Variants in CSMD2 observed in about 807,000 individuals in gnomAD.
The protein encoded by CSMD2 is CUB and Sushi multiple domains 2.
In CSMD2, 130 loss-of-function variants were observed where a neutral mutation model predicts 398.5. That is an observed-to-expected ratio of 0.33 (90% CI 0.28 to 0.38). CSMD2 has a LOEUF of 0.38. Ranked by LOEUF, CSMD2 falls within the 10% of genes least tolerant of loss-of-function variation. The pLI, the probability that CSMD2 is intolerant of heterozygous loss-of-function variation, is 1.00. For missense variants in CSMD2, 3,829 were observed against 4,764.9 expected, an observed-to-expected ratio of 0.80 and a Z score of 5.78; for synonymous variants, 1,828 against 1,908.5, an observed-to-expected ratio of 0.96 and a Z score of 1.10.
chr1:33,546,728 C>CA (rs1266225785), intron 56 of CSMD2, among the ~76,000 whole-genome samples: 1 of 144,356 alleles, frequency 6.9e-6, no homozygotes, highest in African/African-American at 2.5e-5. Flanking sequence ...AACCATCTGA[C>CA]CTTTTTTTTT....
intron 3 of CSMD2, among the ~76,000 whole-genome samples, chr1:33,991,522 C>T (rs1378914580): frequency 2.0e-5 from 3 of 152,136 alleles, no homozygotes; most frequent in Admixed American, 2.0e-4. Flanking sequence ...AACCCAGCAA[C>T]AGCCATAGTC....
chr1:33,601,158 C>T, intron 43 of CSMD2, 148 bp from the exon 44 acceptor site: 2 of 1,004,304 alleles, frequency 2.0e-6, no homozygotes, highest in Non-Finnish European at 2.9e-6. Flanking sequence ...GCCCTAAATA[C>T]CTCTCCCAAC....
intron 2 of CSMD2, among the ~76,000 whole-genome samples, chr1:34,044,520 A>G (rs937944085): frequency 2.6e-5 from 4 of 152,020 alleles, no homozygotes; most frequent in African/African-American, 9.7e-5. Context: ...TGTTGCTACA[A>G]CAATCATGAG....
chr1:33,992,506 G>A (rs561454626), intron 3 of CSMD2, among the ~76,000 whole-genome samples: 12 of 151,794 alleles, frequency 7.9e-5, no homozygotes, highest in Non-Finnish European at 1.6e-4. Context: ...GTGAGTCACT[G>A]CACCCAGCCC....
intron 6 of CSMD2, among the ~76,000 whole-genome samples, chr1:33,843,515 A>G (rs1031847711): frequency 1.3e-5 from 2 of 152,216 alleles, no homozygotes; most frequent in Non-Finnish European, 2.9e-5. Flanking sequence ...CACAAAGCTG[A>G]CTGTGGGTGA....
Position 33,978,588 on chromosome 1 carries a change from C to T in CSMD2, c.518-42634G>A, listed in dbSNP as rs186092433. 5.9e-5 allele frequency among the ~76,000 whole-genome samples: 9 copies of T among 152,138 alleles called. No homozygotes were observed. The South Asian group carries it at 6.2e-4, about 11-fold the overall frequency. ...GTCTAAGTTTGACACCTGAAGGATA[C>T]GCAAGAGTTAATCCAGAGAAGAGAG... On this transcript the variant is annotated intron_variant, in intron 3 of 70. Coordinates refer to ENST00000373381, the MANE Select transcript of CSMD2 (RefSeq NM_001281956.2).
At chr1:33,971,459 G>T (rs532016) in intron 3 of CSMD2, among the ~76,000 whole-genome samples, 1 of 152,128 alleles carries the variant, frequency 6.6e-6, no homozygotes, top group East Asian at 1.9e-4. Flanking sequence ...CATCGTGCCT[G>T]GCTCAGGTCT....
chr1:34,055,019 A>G (rs1431880289), intron 2 of CSMD2, among the ~76,000 whole-genome samples: 3 of 152,200 alleles, frequency 2.0e-5, no homozygotes, highest in African/African-American at 7.2e-5. Context: ...CAACACCCAC[A>G]CAGGAAATAA....
chr1:33,895,702 C>T (rs911685206), intron 5 of CSMD2, among the ~76,000 whole-genome samples: 1 of 152,132 alleles, frequency 6.6e-6, no homozygotes, highest in African/African-American at 2.4e-5. Context: ...ACTGGCCGCC[C>T]TCCAGAAAGG....
intron 3 of CSMD2, among the ~76,000 whole-genome samples, chr1:33,936,597 G>A (rs939978169): frequency 6.6e-6 from 1 of 152,238 alleles, no homozygotes; most frequent in Non-Finnish European, 1.5e-5. Flanking sequence ...CCAGAGCCAA[G>A]CAATCATGGT....
chr1:33,723,375 A>G (rs773802337), intron 19 of CSMD2, among the ~76,000 whole-genome samples: 34 of 152,240 alleles, frequency 2.2e-4, no homozygotes, highest in Admixed American at 4.6e-4. Context: ...GTATTTGCCA[A>G]ACTGCAAGAA....
chr1:33,540,010 G>T (rs1656179777), intron 60 of CSMD2, among the ~76,000 whole-genome samples: 1 of 152,142 alleles, frequency 6.6e-6, no homozygotes, highest in Non-Finnish European at 1.5e-5. Flanking sequence ...CATTCACAGG[G>T]TGTGACAAGA....
At chr1:33,574,786 A>G (rs1208436789) in intron 49 of CSMD2, among the ~76,000 whole-genome samples, 1 of 152,242 alleles carries the variant, frequency 6.6e-6, no homozygotes, top group East Asian at 1.9e-4. Flanking sequence ...TTTAAACATG[A>G]GACTCTTAAT....
At chr1:33,575,497 G>C (rs1367260920) in intron 49 of CSMD2, among the ~76,000 whole-genome samples, 1 of 152,124 alleles carries the variant, frequency 6.6e-6, no homozygotes, top group Non-Finnish European at 1.5e-5. Context: ...GCTGGCCACG[G>C]AACTAGGATT....
At chr1:33,603,860 G>A (rs1377274531) in intron 42 of CSMD2, among the ~76,000 whole-genome samples, 1 of 152,196 alleles carries the variant, frequency 6.6e-6, no homozygotes, top group Admixed American at 6.5e-5. Flanking sequence ...AATGCTGTAT[G>A]GGAAAGGAAC....
chr1:34,162,773 C>T (rs959608599), intron 1 of CSMD2, among the ~76,000 whole-genome samples: 3 of 152,090 alleles, frequency 2.0e-5, no homozygotes, highest in African/African-American at 7.2e-5. Context: ...GCAGGAGAAT[C>T]GCTTGAACCC....
At chr1:33,947,973 C>T (rs1052213159) in intron 3 of CSMD2, among the ~76,000 whole-genome samples, 3 of 152,222 alleles carry the variant, frequency 2.0e-5, no homozygotes, top group Non-Finnish European at 4.4e-5. Context: ...TACACCTAGT[C>T]AGCCTGACTT....
chr1:33,696,505 T>G (rs1645424038), intron 24 of CSMD2, among the ~76,000 whole-genome samples: 1 of 151,620 alleles, frequency 6.6e-6, no homozygotes, highest in Admixed American at 6.6e-5. Flanking sequence ...TGGCAGGGAG[T>G]AGGGTGCTGG....
chr1:34,037,874 G>A (rs3125607), intron 2 of CSMD2, among the ~76,000 whole-genome samples: 148,976 of 152,338 alleles, frequency 0.98, 72,937 homozygotes, highest in East Asian at 1. Flanking sequence ...ATATTGATGC[G>A]AGCTGTGAAT....
Sources: allele counts gnomAD v4.1 joint callset (sites outside exome capture counted in the v4.1 genomes callset), GRCh38; gene constraint gnomAD v4.1.1; transcripts MANE v1.5; gene names NCBI Gene and HGNC (gene_info 2026-07-23, HGNC 2026-07-21).